Variants in MMRN1 observed in about 807,000 individuals in gnomAD.
MMRN1 encodes multimerin-1.
A neutral mutation model predicts 100.7 loss-of-function variants in MMRN1; 94 were observed. The ratio of observed to expected loss-of-function variants is 0.93; its 90% CI spans 0.79 to 1.11. The LOEUF (loss-of-function observed/expected upper bound fraction) is 1.11, where lower values mean the gene tolerates loss of function less well. Ranked by LOEUF, MMRN1 falls within the 50% of genes least tolerant of loss-of-function variation. MMRN1 has a pLI of 0.00. For missense variants in MMRN1, 1,606 were observed against 1,439.1 expected, an observed-to-expected ratio of 1.12 and a Z score of -1.88; for synonymous variants, 575 against 505.0, an observed-to-expected ratio of 1.14 and a Z score of -1.86.
chr4:89,917,984 C>T (rs115694208), intron 3 of MMRN1, among the ~76,000 whole-genome samples: 3,455 of 151,662 alleles, frequency 0.023, 90 homozygotes, highest in Middle Eastern at 0.061. Flanking sequence ...GCTTTGTTAA[C>T]GTCATTAGGC....
intron 3 of MMRN1, among the ~76,000 whole-genome samples, chr4:89,919,529 GTTGA>G (rs1379761762): frequency 2.0e-5 from 3 of 151,516 alleles, no homozygotes; most frequent in African/African-American, 7.3e-5. Context: ...TGAAAATCAA[GTTGA>G]TTTTCATTCC....
intron 5 of MMRN1, among the ~76,000 whole-genome samples, chr4:89,929,477 C>T (rs1722369507): frequency 6.6e-6 from 1 of 152,006 alleles, no homozygotes; most frequent in South Asian, 2.1e-4. Context: ...ACATTTTTCC[C>T]CCCTGAAGTG....
intron 6 of MMRN1, among the ~76,000 whole-genome samples, chr4:89,940,024 T>A (rs1346770617): frequency 6.6e-6 from 1 of 152,202 alleles, no homozygotes; most frequent in Non-Finnish European, 1.5e-5. Flanking sequence ...CATTCATTCA[T>A]GCTATTTCTG....
intron 1 of MMRN1, among the ~76,000 whole-genome samples, chr4:89,886,302 T>G (rs965283840): frequency 6.6e-6 from 1 of 152,166 alleles, no homozygotes; most frequent in Admixed American, 6.6e-5. Flanking sequence ...TATTGCTGCT[T>G]TGACTGAGGA....
At chr4:89,900,429 C>G (rs1250489938) in intron 1 of MMRN1, among the ~76,000 whole-genome samples, 1 of 152,030 alleles carries the variant, frequency 6.6e-6, no homozygotes, top group Non-Finnish European at 1.5e-5. Context: ...TCCACTTGCA[C>G]CTCCAGCTTT....
intron 4 of MMRN1, 95 bp downstream of exon 4, chr4:89,923,367 T>C (rs1027354745): frequency 9.1e-6 from 10 of 1,097,148 alleles, no homozygotes; most frequent in Non-Finnish European, 2.7e-6. Context: ...TGTCAAATGA[T>C]TGATGGTGAC....
At chr4:89,880,415 C>A (rs1720792427) in intron 1 of MMRN1, among the ~76,000 whole-genome samples, 1 of 152,080 alleles carries the variant, frequency 6.6e-6, no homozygotes, top group Non-Finnish European at 1.5e-5. Flanking sequence ...AAGAGTTAAC[C>A]ATTACCTACT....
chr4:89,936,332 T>C lies in MMRN1; in HGVS notation c.2652T>C (p.Ser884=). Residue 884 remains serine, a synonymous_variant, in exon 6 of 8, where the codon AGT becomes AGC. Coordinates refer to ENST00000264790, the MANE Select transcript of MMRN1 (RefSeq NM_007351.3). The stretch of plus-strand genomic sequence containing the variant: ...ATTATATTTCAGTTAAAAAAGGCAG[T>C]GTAGTTACAAATGAGAGAGATCAGG... ...IPYYISVKKG[S]VVTNERDQAL... 3 of 1,612,834 alleles carry C rather than the reference T, an allele frequency of 1.9e-6. No individual in the cohort carries two copies. The highest frequency in any genetic ancestry group is 2.5e-6 in the Non-Finnish European group (3 of 1,179,502).
At chr4:89,920,871 G>C (rs1009991614) in intron 3 of MMRN1, among the ~76,000 whole-genome samples, 13 of 151,570 alleles carry the variant, frequency 8.6e-5, no homozygotes, top group African/African-American at 3.2e-4. Context: ...TAGAGCTACT[G>C]AATGAGAATC....
At chr4:89,886,825 A>T (rs1720947178) in intron 1 of MMRN1, among the ~76,000 whole-genome samples, 1 of 152,142 alleles carries the variant, frequency 6.6e-6, no homozygotes, top group East Asian at 1.9e-4. Context: ...GATATTGATC[A>T]CCTGAAATGT....
intron 6 of MMRN1, among the ~76,000 whole-genome samples, chr4:89,950,705 A>C (rs1723138171): frequency 6.6e-6 from 1 of 151,616 alleles, no homozygotes; most frequent in South Asian, 2.1e-4. Context: ...AGTGAAGACC[A>C]TTTTCTTATT....
chr4:89,953,170 T>C lies in MMRN1; in HGVS notation c.3439T>C (p.Phe1147Leu). Residue 1147 changes from phenylalanine (F) to leucine (L), a missense_variant, in exon 8 of 8, where the codon TTC becomes CTC. Transcript: ENST00000264790. ...AATTCCGTATCTTGGAGTATATGTTTTCAAGTACACCATCGAGTCATTTAG... is the reference window on the plus strand; with the variant it reads ...AATTCCGTATCTTGGAGTATATGTTCTCAAGTACACCATCGAGTCATTTAG... ...FRIPYLGVYV[F>L]KYTIESFSAH... 6.2e-7 allele frequency: 1 copy of C among 1,613,890 alleles called. No homozygotes were observed. Among genetic ancestry groups the C allele is most frequent in the Non-Finnish European group, 8.5e-7 (1 of 1,179,872 alleles).
intron 1 of MMRN1, among the ~76,000 whole-genome samples, chr4:89,885,955 ATTAC>A (rs1325228950): frequency 2.6e-5 from 4 of 151,504 alleles, no homozygotes; most frequent in African/African-American, 9.7e-5. Context: ...TTTTTTACCT[ATTAC>A]TTAAAATGGA....
At chr4:89,923,133 T>G in intron 3 of MMRN1, 35 bp from the exon 4 acceptor site, 1 of 1,569,972 alleles carries the variant, frequency 6.4e-7, no homozygotes, top group East Asian at 2.2e-5. Context: ...GTCCCAGTGC[T>G]TAACTGTCTC....
Position 89,927,944 on chromosome 4 carries a change from A to G in MMRN1, c.1105A>G (p.Arg369Gly), listed in dbSNP as rs745574254. The change falls in exon 5 of 8, where the codon AGA becomes GGA. Residue 369 changes from arginine (R) to glycine (G), a missense_variant. Arg to Gly is a moderately radical substitution (Grantham distance 125, BLOSUM62 -2). Transcript: ENST00000264790. ...LEGKVSEDKS[R>G]EFQSLLKGLK... ...AGGAAAAGTCAGCGAAGATAAAAGCAGAGAATTTCAATCTCTTCTAAAAGG... is the reference window on the plus strand; with the variant it reads ...AGGAAAAGTCAGCGAAGATAAAAGCGGAGAATTTCAATCTCTTCTAAAAGG... 1.9e-6 allele frequency: 3 copies of G among 1,599,926 alleles called. No individual in the cohort carries two copies. The highest frequency in any genetic ancestry group is 1.8e-5 in the Admixed American group (1 of 57,142).
intron 1 of MMRN1, among the ~76,000 whole-genome samples, chr4:89,902,772 A>G (rs1419268392): frequency 6.6e-6 from 1 of 152,010 alleles, no homozygotes; most frequent in East Asian, 1.9e-4. Flanking sequence ...ACCATAAATC[A>G]AAGTATCTAA....
chr4:89,895,246 C>A lies in MMRN1; in HGVS notation c.275C>A (p.Ala92Asp). ...CCTCCCTCAGAAACAAGTGCACCTG[C>A]TGAGGGTGTGAGAAATCAAACTCTC... ...TLPPSETSAP[A>D]EGVRNQTLTS... Residue 92 changes from alanine (A) to aspartate (D), a missense_variant, in exon 1 of 8, where the codon GCT (alanine) becomes GAT (aspartate). By Grantham distance (126) the Ala-to-Asp change is moderately radical (BLOSUM62 -2). Coordinates refer to ENST00000264790, the MANE Select transcript of MMRN1 (RefSeq NM_007351.3). 1 of 1,613,864 alleles carries A rather than the reference C, an allele frequency of 6.2e-7. No homozygotes were observed. The highest frequency in any genetic ancestry group is 8.5e-7 in the Non-Finnish European group (1 of 1,179,916).
At chr4:89,938,112 T>C (rs1192523298) in intron 6 of MMRN1, among the ~76,000 whole-genome samples, 1 of 152,004 alleles carries the variant, frequency 6.6e-6, no homozygotes, top group Non-Finnish European at 1.5e-5. Context: ...TAACATAATA[T>C]GACTTCATAT....
intron 1 of MMRN1, among the ~76,000 whole-genome samples, chr4:89,887,288 T>A (rs1299255283): frequency 6.6e-6 from 1 of 151,914 alleles, no homozygotes; most frequent in African/African-American, 2.4e-5. Flanking sequence ...CTTCCAGAAA[T>A]AGAAAAAAAT....
Sources: gnomAD v4.1 joint callset for allele counts (sites outside exome capture counted in the v4.1 genomes callset) on GRCh38, gnomAD v4.1.1 for gene constraint, MANE v1.5 for transcripts, NCBI Gene and HGNC (gene_info 2026-07-23, HGNC 2026-07-21) for gene names.